Variants in IQGAP3 observed in about 807,000 individuals in gnomAD.
IQGAP3 encodes ras GTPase-activating-like protein IQGAP3.
IQGAP3 carries 165 observed loss-of-function variants against 208.2 expected under a neutral mutation model. The ratio of observed to expected loss-of-function variants is 0.79; its 90% confidence interval spans 0.70 to 0.90. The LOEUF (loss-of-function observed/expected upper bound fraction) is 0.90. Ranked by LOEUF, IQGAP3 falls within the 40% of genes least tolerant of loss-of-function variation. The probability of loss-of-function intolerance (pLI) is 0.00; values close to 1 mark genes in which losing one functional copy is unlikely to be tolerated. For missense variants in IQGAP3, 1,811 were observed against 2,043.1 expected (o/e 0.89, Z 2.19); for synonymous variants, 703 against 803.6 (o/e 0.87, Z 2.12).
At chr1:156,547,388 GACACACACACACACACACAC>G (rs61344699) in intron 19 of IQGAP3, among the ~76,000 whole-genome samples, 10 of 147,430 alleles carry the variant, frequency 6.8e-5, no homozygotes, top group African/African-American at 2.2e-4. Context: ...CAGACACACA[GACACACACACACACACACAC>G]ACACACACAC....
chr1:156,554,923 G>A (rs1010999528), intron 12 of IQGAP3, among the ~76,000 whole-genome samples: 1 of 152,168 alleles, frequency 6.6e-6, no homozygotes, highest in Admixed American at 6.5e-5. Flanking sequence ...TGAGCATGGT[G>A]GTGCGTACCT....
intron 5 of IQGAP3, among the ~76,000 whole-genome samples, chr1:156,564,156 C>T (rs1676292766): frequency 6.6e-6 from 1 of 152,024 alleles, no homozygotes; most frequent in Non-Finnish European, 1.5e-5. Flanking sequence ...CACAGGGGCA[C>T]AAAGGGACAT....
At chr1:156,547,388 G>GACACAGAC (rs1553225631) in intron 19 of IQGAP3, among the ~76,000 whole-genome samples, 7 of 147,328 alleles carry the variant, frequency 4.8e-5, no homozygotes, top group Non-Finnish European at 9.0e-5. Context: ...CAGACACACA[G>GACACAGAC]ACACACACAC....
chr1:156,570,623 C>A (rs371091934), intron 1 of IQGAP3, among the ~76,000 whole-genome samples: 24 of 152,146 alleles, frequency 1.6e-4, no homozygotes, highest in African/African-American at 2.2e-4. Flanking sequence ...CCACCTCAGC[C>A]CCCCCACCAC....
At chr1:156,539,188 T>C (rs959927120) in intron 25 of IQGAP3, 155 bp from the exon 26 acceptor site, 1 of 817,806 alleles carries the variant, frequency 1.2e-6, no homozygotes, top group Non-Finnish European at 2.0e-6. Context: ...TGTTAGCATG[T>C]CAGCCCATAT....
intron 27 of IQGAP3, 88 bp from the exon 28 acceptor site, chr1:156,535,335 T>A: frequency 2.2e-6 from 2 of 915,598 alleles, no homozygotes; most frequent in Non-Finnish European, 3.5e-6. Flanking sequence ...GGCTGTCTCT[T>A]CTCCCCCAGG....
chr1:156,571,387 T>C (rs1043547373), intron 1 of IQGAP3, among the ~76,000 whole-genome samples: 1 of 152,002 alleles, frequency 6.6e-6, no homozygotes, highest in Non-Finnish European at 1.5e-5. Context: ...TATTTCCTTA[T>C]ATTGCATATT....
intron 16 of IQGAP3, 84 bp from the exon 17 acceptor site, chr1:156,548,832 C>G: frequency 3.0e-6 from 4 of 1,339,802 alleles, no homozygotes; most frequent in Non-Finnish European, 2.0e-6. Flanking sequence ...GGGACAGATT[C>G]CATGAAAGAG....
chr1:156,550,245 C>G lies in IQGAP3; in HGVS notation c.1825+16G>C. ...CCATCCCTCCCCTCCCAGGGTCCCC[C>G]AACCAGTCCATTTACTTCTCTGAGC... On this transcript the variant is annotated intron_variant, in intron 16 of 37. Coordinates refer to ENST00000361170, the MANE Select transcript of IQGAP3 (RefSeq NM_178229.5). 6.3e-7 allele frequency: 1 copy of G among 1,591,364 alleles called. No individual in the cohort carries two copies.
At chr1:156,537,019 C>T (rs1241337108) in intron 27 of IQGAP3, 162 bp downstream of exon 27, 20 of 681,690 alleles carry the variant, frequency 2.9e-5, no homozygotes, top group Non-Finnish European at 3.3e-5. Flanking sequence ...GCAGGAGCTT[C>T]GAGCATTCCC....
chr1:156,556,437 C>T, intron 12 of IQGAP3, 96 bp downstream of exon 12: 3 of 1,181,672 alleles, frequency 2.5e-6, no homozygotes, highest in Admixed American at 1.9e-5. Context: ...GCCAGCATCT[C>T]ATATCGCACT....
rs763820260 is a variant in IQGAP3, at chr1:156,525,646, A to G, written c.*840T>C. ...ACATGAGTGAGAATCTGTTGCCCCA[A>G]CCTAAGGTGACTTTAAATCCAAGGT... On this transcript the variant is annotated 3_prime_UTR_variant, in exon 38 of 38. Coordinates refer to ENST00000361170, the MANE Select transcript of IQGAP3 (RefSeq NM_178229.5). 2 of 150,944 alleles carry G rather than the reference A, an allele frequency of 1.3e-5. No individual in the cohort carries two copies. The highest frequency in any genetic ancestry group is 2.9e-5 in the Non-Finnish European group (2 of 67,846). 9.4% of individuals were successfully genotyped at this position (150,944 alleles called of 1,614,324 possible).
At position 156,533,863 on chromosome 1, in the gene IQGAP3, G is replaced by A; in HGVS notation, c.3886C>T (p.His1296Tyr). ...LVNTHRLLLE[H>Y]QDCIAPDHQD... The stretch of plus-strand genomic sequence containing the variant: ...TGATCAGGGGCAATGCAGTCCTGGT[G>A]CTCCAGCAACAGCTGCAGGACGGAG... The change falls in exon 31 of 38, where the codon CAC becomes TAC. Residue 1296 changes from histidine (H) to tyrosine (Y), a missense_variant. Coordinates refer to ENST00000361170, the MANE Select transcript of IQGAP3 (RefSeq NM_178229.5). 6.2e-7 allele frequency: 1 copy of A among 1,610,700 alleles called. No individual in the cohort carries two copies. Among genetic ancestry groups the A allele is most frequent in the Non-Finnish European group, 8.5e-7 (1 of 1,178,180 alleles).
chr1:156,548,678 C>T lies in IQGAP3; in HGVS notation c.1896G>A (p.Leu632=). The T allele has an allele frequency of 1.9e-6, 3 of 1,611,918 alleles. No homozygotes were observed. Among genetic ancestry groups the T allele is most frequent in the Non-Finnish European group, 2.5e-6 (3 of 1,178,622 alleles). The part of the protein sequence containing the change: ...EGKAAQTERV[L]RNPAVALRGV... ...CTCGAAGGGCCACTGCGGGGTTCCT[C>T]AACACCCGCTCAGTCTGGGCTGCCT... The change falls in exon 17 of 38, where the codon TTG becomes TTA. Residue 632 remains leucine, a synonymous_variant. Coordinates refer to ENST00000361170, the MANE Select transcript of IQGAP3 (RefSeq NM_178229.5).
Position 156,534,560 on chromosome 1 carries a change from C to T in IQGAP3, c.3681G>A (p.Gly1227=). 6.2e-7 allele frequency: 1 copy of T among 1,611,700 alleles called. No homozygotes were observed. The highest frequency in any genetic ancestry group is 1.3e-5 in the African/African-American group (1 of 74,972). Residue 1227 remains glycine, a synonymous_variant, in exon 29 of 38, where the codon GGG becomes GGA. Coordinates refer to ENST00000361170, the MANE Select transcript of IQGAP3 (RefSeq NM_178229.5). The part of the protein sequence containing the change: ...QHAAAGKAFS[G]QSQHLRVLND... ...TCAGGACCCGTAGGTGCTGGCTCTG[C>T]CCAGAGAAGGCCTTGCCAGCCGCAG...
chr1:156,534,062 C>T lies in IQGAP3; in HGVS notation c.3820G>A (p.Val1274Met). 1 of 1,614,110 alleles carries T rather than the reference C, an allele frequency of 6.2e-7. No homozygotes were observed. The highest frequency in any genetic ancestry group is 8.5e-7 in the Non-Finnish European group (1 of 1,180,044). The change falls in exon 30 of 38, where the codon GTG (valine) becomes ATG (methionine). Residue 1274 changes from valine to methionine, a missense_variant. Transcript: ENST00000361170. ...GTGATGTACACCATGGGTTTGGCCA[C>T]AGCCACCATGTCTGAGTACTCGTCC... is the stretch of plus-strand genomic sequence containing the variant. ...AVDEYSDMVA[V>M]AKPMVYITVG...
chr1:156,533,213 TCCACATGCC>T lies in IQGAP3; in HGVS notation c.3977-116_3977-108del, dbSNP rs1354415573. Reference sequence around the variant, plus strand: ...GATGGGGTCACATTAAATCAGCTGCTCCACATGCCCCTCTTCCAGGAAGTTTTCCCACAC... The same window carrying T: ...GATGGGGTCACATTAAATCAGCTGCTCCTCTTCCAGGAAGTTTTCCCACAC... On this transcript the variant is annotated intron_variant, in intron 31 of 37. Coordinates refer to ENST00000361170, the MANE Select transcript of IQGAP3 (RefSeq NM_178229.5). 2.9e-6 allele frequency: 4 copies of T among 1,399,886 alleles called. No individual in the cohort carries two copies. The East Asian group carries it at 9.3e-5, about 33-fold the overall frequency. 86.7% of individuals were successfully genotyped at this position (1,399,886 alleles called of 1,614,324 possible).
chr1:156,533,731 CA>C lies in IQGAP3; in HGVS notation c.3976+41del. The C allele has an allele frequency of 1.3e-6, 2 of 1,526,872 alleles. 1 individual carries two copies. Among genetic ancestry groups the C allele is most frequent in the Non-Finnish European group, 1.8e-6 (2 of 1,107,086 alleles). The allele number at this position is 1,526,872 out of a possible 1,614,324, so 94.6% of individuals were successfully genotyped here. ...CTGCCTGCCTGTCCCTCCCTCCATGCAGGTCCCCTAGCTGGCCTCAGCTGCT... is the reference window on the plus strand; with the variant it reads ...CTGCCTGCCTGTCCCTCCCTCCATGCGGTCCCCTAGCTGGCCTCAGCTGCT... On this transcript the variant is annotated intron_variant, in intron 31 of 37. Transcript: ENST00000361170.
At position 156,544,143 on chromosome 1, in the gene IQGAP3, G is replaced by A; in HGVS notation, c.2460+9C>T. 1 of 1,614,006 alleles carries A rather than the reference G, an allele frequency of 6.2e-7. No homozygotes were observed. Among genetic ancestry groups the A allele is most frequent in the Non-Finnish European group, 8.5e-7 (1 of 1,179,860 alleles). On this transcript the variant is annotated intron_variant, in intron 21 of 37. Transcript: ENST00000361170. ...GGTATGTGGGCAGGGGGAACAAGGT[G>A]ACACTCACATTCTTCTGGAAGTAGT...
Sources: gnomAD v4.1 joint callset for allele counts (sites outside exome capture counted in the v4.1 genomes callset) on GRCh38, gnomAD v4.1.1 for gene constraint, MANE v1.5 for transcripts, NCBI Gene and HGNC (gene_info 2026-07-23, HGNC 2026-07-21) for gene names.